The following WDR37 variants were observed in gnomAD, a reference collection of about 807,000 sequenced individuals.
WDR37 encodes the protein WD repeat-containing protein 37.
In WDR37, 19 loss-of-function variants were observed where a neutral mutation model predicts 62.9. The ratio of observed to expected loss-of-function variants is 0.30; its 90% CI spans 0.21 to 0.44. The LOEUF (loss-of-function observed/expected upper bound fraction) is 0.44, where lower values mean the gene tolerates loss of function less well. Ranked by LOEUF, WDR37 falls within the 20% of genes least tolerant of loss-of-function variation. The pLI, the probability that WDR37 is intolerant of heterozygous loss-of-function variation, is 1.00. For missense variants in WDR37, 474 were observed against 657.6 expected (o/e 0.72, Z 3.05); for synonymous variants, 250 against 260.9 (o/e 0.96, Z 0.40).
At chr10:1,068,675 T>A (rs1372122354) in intron 1 of WDR37, among the ~76,000 whole-genome samples, 2 of 152,152 alleles carry the variant, frequency 1.3e-5, no homozygotes, top group Non-Finnish European at 2.9e-5. Flanking sequence ...TGGAAAATAC[T>A]GATAGTTTGA....
intron 7 of WDR37, among the ~76,000 whole-genome samples, chr10:1,092,619 A>G (rs910319043): frequency 8.6e-5 from 13 of 151,480 alleles, no homozygotes; most frequent in African/African-American, 2.7e-4. Context: ...CGGCCTCCCA[A>G]AGTGCTGGTA....
chr10:1,067,802 A>G (rs926908469), intron 1 of WDR37, among the ~76,000 whole-genome samples: 2 of 152,188 alleles, frequency 1.3e-5, no homozygotes, highest in African/African-American at 2.4e-5. Context: ...TAGCAAAGGT[A>G]TGGAATCAAC....
chr10:1,083,560 C>T (rs375082126), intron 5 of WDR37, among the ~76,000 whole-genome samples: 15 of 152,340 alleles, frequency 9.8e-5, no homozygotes, highest in African/African-American at 3.4e-4. Context: ...ATTTACTTAA[C>T]AGCTGGACAG....
At position 1,105,030 on chromosome 10, in the gene WDR37, A is replaced by G; in HGVS notation, c.962-96A>G. 1.1e-5 allele frequency: 16 copies of G among 1,484,486 alleles called. 1 individual carries two copies. The highest frequency in any genetic ancestry group is 1.4e-5 in the Non-Finnish European group (15 of 1,093,646). 92.0% of individuals were successfully genotyped at this position (1,484,486 alleles called of 1,614,324 possible). A position where few individuals can be genotyped will look rare whatever the true frequency, so the allele number is the denominator to read the frequency against. Reference sequence around the variant, plus strand: ...TCCATTAGGTCAGGTTCACAGTCTCAGAGAGACGGCTTCTTGGGTTCTTGT... The same window carrying G: ...TCCATTAGGTCAGGTTCACAGTCTCGGAGAGACGGCTTCTTGGGTTCTTGT... On this transcript the variant is annotated intron_variant, in intron 10 of 13. Transcript: ENST00000263150. The surrounding 1 kb of genome is among the most constrained non-coding windows in gnomAD (Gnocchi z 5.3).
intron 5 of WDR37, among the ~76,000 whole-genome samples, chr10:1,080,920 A>C (rs1834008013): frequency 6.6e-6 from 1 of 152,104 alleles, no homozygotes; most frequent in South Asian, 2.1e-4. Context: ...AAAAAAAAAA[A>C]GAATGTCACT....
chr10:1,081,849 A>G (rs1352050151), intron 5 of WDR37, among the ~76,000 whole-genome samples: 3 of 152,202 alleles, frequency 2.0e-5, no homozygotes, highest in Non-Finnish European at 4.4e-5. Flanking sequence ...TGGAATTCCA[A>G]AACTTTCTCA....
intron 9 of WDR37, chr10:1,096,530 G>A (rs1053375540): frequency 1.2e-5 from 5 of 434,368 alleles, no homozygotes; most frequent in South Asian, 3.5e-5. Context: ...GCCAGAGGGC[G>A]GCCGTCTTTA....
intron 4 of WDR37, 101 bp downstream of exon 4, chr10:1,080,207 G>C (rs1833987319): frequency 7.3e-7 from 1 of 1,374,780 alleles, no homozygotes; most frequent in African/African-American, 1.4e-5. Flanking sequence ...GCTGTCAGCA[G>C]ACCTCGAACT....
At chr10:1,100,922 G>T (rs1834774503) in intron 9 of WDR37, among the ~76,000 whole-genome samples, 1 of 152,198 alleles carries the variant, frequency 6.6e-6, no homozygotes, top group Admixed American at 6.5e-5. Context: ...CGTCCCGACT[G>T]AGCTGCACGT....
intron 8 of WDR37, among the ~76,000 whole-genome samples, chr10:1,093,736 C>G (rs969378930): frequency 1.3e-5 from 2 of 152,308 alleles, no homozygotes; most frequent in African/African-American, 4.8e-5. Context: ...ACGGTCTTCT[C>G]GAAGCCTTTC....
chr10:1,065,307 A>C (rs1833501112), intron 1 of WDR37, among the ~76,000 whole-genome samples: 1 of 152,216 alleles, frequency 6.6e-6, no homozygotes, highest in African/African-American at 2.4e-5. Flanking sequence ...CTTTATGTGA[A>C]CTGGTAAAAT....
intron 11 of WDR37, among the ~76,000 whole-genome samples, chr10:1,108,451 C>G (rs1835091340): frequency 6.6e-6 from 1 of 152,224 alleles, no homozygotes; most frequent in African/African-American, 2.4e-5. Context: ...TGCTGAAGCG[C>G]TCCTGCAGTT....
chr10:1,086,215 C>G, intron 6 of WDR37, 71 bp from the exon 7 acceptor site: 1 of 1,291,420 alleles, frequency 7.7e-7, no homozygotes, highest in South Asian at 1.2e-5. Flanking sequence ...GAGTATTTGT[C>G]TTATTCTTTC....
At chr10:1,087,360 G>A (rs1228587205) in intron 7 of WDR37, among the ~76,000 whole-genome samples, 1 of 152,216 alleles carries the variant, frequency 6.6e-6, no homozygotes, top group African/African-American at 2.4e-5. Flanking sequence ...GCAAAACGCT[G>A]TTACAGGAAC....
rs1208634294 is a variant in WDR37 at position 1,102,227 on chromosome 10, G to GTGA, written c.727-1375_727-1374insTGA. 4.8e-5 allele frequency among the ~76,000 whole-genome samples: 7 copies of GTGA among 145,638 alleles called. No individual in the cohort carries two copies. In the Admixed American group the frequency reaches 4.8e-4, roughly 10 times the overall value. ...TGTTGCCGTGCTGCTGTGCGTCCCT[G>GTGA]CGACGTGCGATCCCGTGCCGCTGTG... On this transcript the variant is annotated intron_variant, in intron 9 of 13. Coordinates refer to ENST00000263150, the MANE Select transcript of WDR37 (RefSeq NM_014023.4).
Position 1,105,793 on chromosome 10 carries a change from C to CT in WDR37, c.1103+534dup, listed in dbSNP as rs926769928. Among the ~76,000 whole-genome samples, 4 of 151,756 alleles carry CT rather than the reference C, an allele frequency of 2.6e-5. No homozygotes were observed. Among genetic ancestry groups the CT allele is most frequent in the Non-Finnish European group, 5.9e-5 (4 of 67,956 alleles). On this transcript the variant is annotated intron_variant, in intron 11 of 13. Coordinates refer to ENST00000263150, the MANE Select transcript of WDR37 (RefSeq NM_014023.4). The surrounding 1 kb of genome is among the most constrained non-coding windows in gnomAD (Gnocchi z 5.3). ...CTCTCCGGCAACTCAAGTGTAAGGT[C>CT]TTTTTTTTCTGAGACGGAGTCTCGC...
chr10:1,101,053 T>TCGGG (rs1834780107), intron 9 of WDR37, among the ~76,000 whole-genome samples: 1 of 152,158 alleles, frequency 6.6e-6, no homozygotes, highest in Non-Finnish European at 1.5e-5. Context: ...CCTGTATTGT[T>TCGGG]CTCTTACTGC....
chr10:1,113,782 C>T lies in WDR37; in HGVS notation c.1103+8515C>T, dbSNP rs564744251. Among the ~76,000 whole-genome samples, 13 of 152,172 alleles carry T rather than the reference C, an allele frequency of 8.5e-5. No individual in the cohort carries two copies. In the East Asian group the frequency reaches 1.5e-3, roughly 18 times the overall value. On this transcript the variant is annotated intron_variant, in intron 11 of 13. Transcript: ENST00000263150. ...CGAGGAACTGCTTCTTATGGATGAGCAAAGAAAGTGGTTTCTTGAGTGGGA... is the reference window on the plus strand; with the variant it reads ...CGAGGAACTGCTTCTTATGGATGAGTAAAGAAAGTGGTTTCTTGAGTGGGA...
intron 9 of WDR37, among the ~76,000 whole-genome samples, chr10:1,102,061 C>T (rs1184671611): frequency 6.9e-6 from 1 of 144,626 alleles, no homozygotes; most frequent in Non-Finnish European, 1.5e-5. Flanking sequence ...TGCTGCTGTG[C>T]GTCCATGTGA....
Sources: gnomAD v4.1 joint callset for allele counts (sites outside exome capture counted in the v4.1 genomes callset) on GRCh38, gnomAD v4.1.1 for gene constraint, Gnocchi (gnomAD v3.1) non-coding constraint, MANE v1.5 for transcripts, NCBI Gene and HGNC (gene_info 2026-07-23, HGNC 2026-07-21) for gene names.